The following PUM2 variants were observed in gnomAD, a reference collection of about 807,000 sequenced individuals.
PUM2 encodes the protein pumilio RNA binding family member 2.
PUM2 carries 57 observed loss-of-function variants against 124.5 expected under a neutral mutation model. The observed-to-expected ratio is 0.46, with a 90% CI of 0.37 to 0.57. PUM2 has a LOEUF of 0.57. Among genes scored for constraint, PUM2 ranks in the 20% least tolerant of loss-of-function variants. The probability of loss-of-function intolerance (pLI) is 0.00; values close to 1 mark genes in which losing one functional copy is unlikely to be tolerated. For synonymous variants in PUM2, 460 were observed against 446.1 expected (o/e 1.03, Z -0.39); for missense variants, 1,065 against 1,290.6 (o/e 0.83, Z 2.68).
At chr2:20,312,476 A>G in intron 3 of PUM2, 53 bp from the exon 4 acceptor site, 3 of 1,464,280 alleles carry the variant, frequency 2.0e-6, no homozygotes, top group Non-Finnish European at 1.9e-6. Context: ...GTTAAACAAA[A>G]TGTAGTTAAA....
intron 13 of PUM2, among the ~76,000 whole-genome samples, chr2:20,269,170 G>A (rs1292609228): frequency 1.3e-5 from 2 of 151,850 alleles, no homozygotes; most frequent in Non-Finnish European, 1.5e-5. Flanking sequence ...GCTACATGAG[G>A]TATAAACTGA....
intron 15 of PUM2, among the ~76,000 whole-genome samples, chr2:20,258,849 A>G (rs1196925436): frequency 6.6e-6 from 1 of 151,068 alleles, no homozygotes; most frequent in African/African-American, 2.4e-5. Context: ...TTGTATTTTT[A>G]GTAGAGACGG....
Position 20,346,198 on chromosome 2 carries a change from T to A in PUM2, c.-19+4399A>T, listed in dbSNP as rs529714132. ...TATCCTCTCAACTTCAAAACATAAT[T>A]CTGTTCATGTTGAATTGGTTTTAAA... On this transcript the variant is annotated intron_variant, in intron 1 of 20. Transcript: ENST00000361078. Among the ~76,000 whole-genome samples the A allele has an allele frequency of 2.0e-5, 3 of 152,270 alleles. 1 individual carries two copies. Among genetic ancestry groups the A allele is most frequent in the South Asian group, 4.1e-4 (2 of 4,828 alleles).
chr2:20,340,499 C>A (rs1371070172), intron 1 of PUM2, among the ~76,000 whole-genome samples: 1 of 152,202 alleles, frequency 6.6e-6, no homozygotes, highest in African/African-American at 2.4e-5. Context: ...GATGGGAGCA[C>A]CCCAATTTTG....
At chr2:20,334,748 A>T (rs1369962781) in intron 1 of PUM2, among the ~76,000 whole-genome samples, 1 of 152,202 alleles carries the variant, frequency 6.6e-6, no homozygotes, top group African/African-American at 2.4e-5. Context: ...ATTTACCAAC[A>T]CAAAATGACT....
chr2:20,314,792 TAAGC>T (rs1240021679), intron 3 of PUM2, among the ~76,000 whole-genome samples: 3 of 152,202 alleles, frequency 2.0e-5, no homozygotes, highest in African/African-American at 7.2e-5. Context: ...TCTTGTATGC[TAAGC>T]AATGAGCTAT....
intron 13 of PUM2, among the ~76,000 whole-genome samples, chr2:20,267,915 A>G (rs1476850525): frequency 3.3e-5 from 5 of 152,242 alleles, no homozygotes; most frequent in Non-Finnish European, 4.4e-5. Flanking sequence ...CCAGTAGTTT[A>G]GCCTTATGTA....
intron 10 of PUM2, 38 bp from the exon 11 acceptor site, chr2:20,283,524 T>C: frequency 2.6e-6 from 4 of 1,558,868 alleles, no homozygotes; most frequent in Non-Finnish European, 3.5e-6. Flanking sequence ...AAGCACTTAT[T>C]ACAAAAACAT....
chr2:20,262,197 G>A (rs1666462905), intron 14 of PUM2, among the ~76,000 whole-genome samples: 1 of 152,162 alleles, frequency 6.6e-6, no homozygotes, highest in Non-Finnish European at 1.5e-5. Context: ...AAGTCTAGAG[G>A]AGTGTACAGT....
chr2:20,346,620 A>C (rs945791010), intron 1 of PUM2, among the ~76,000 whole-genome samples: 1 of 152,234 alleles, frequency 6.6e-6, no homozygotes, highest in Admixed American at 6.5e-5. Context: ...CTCTTGTCAT[A>C]AGATGGCTAC....
intron 3 of PUM2, among the ~76,000 whole-genome samples, 168 bp downstream of exon 3, chr2:20,318,369 A>G (rs1271144991): frequency 2.0e-5 from 3 of 152,242 alleles, no homozygotes; most frequent in African/African-American, 7.2e-5. Flanking sequence ...TGGGAGGCCA[A>G]GGCAGGAGGA....
At chr2:20,312,542 T>C in intron 3 of PUM2, 119 bp from the exon 4 acceptor site, 2 of 894,588 alleles carry the variant, frequency 2.2e-6, no homozygotes, top group South Asian at 1.7e-5. Flanking sequence ...ATGTTATTAC[T>C]ATAATCTTTA....
At chr2:20,312,042 GAT>G (rs1679724554) in intron 4 of PUM2, among the ~76,000 whole-genome samples, 192 bp downstream of exon 4, 11 of 152,126 alleles carry the variant, frequency 7.2e-5, no homozygotes, top group Admixed American at 7.2e-4. Context: ...ACATGGTTCA[GAT>G]TATACATATT....
intron 2 of PUM2, among the ~76,000 whole-genome samples, chr2:20,325,590 T>C (rs945341311): frequency 2.0e-5 from 3 of 151,308 alleles, no homozygotes. Flanking sequence ...ATAAAGGGAG[T>C]CTAAAATTAA....
At chr2:20,318,446 A>C in intron 3 of PUM2, 91 bp downstream of exon 3, 2 of 1,194,682 alleles carry the variant, frequency 1.7e-6, no homozygotes, top group South Asian at 1.4e-5. Flanking sequence ...AAATGCAAAA[A>C]TTTGGAGACT....
intron 9 of PUM2, 133 bp from the exon 10 acceptor site, chr2:20,290,923 T>C: frequency 1.4e-6 from 1 of 714,974 alleles, no homozygotes; most frequent in East Asian, 3.0e-5. Context: ...GAAATGTAGA[T>C]TTAGCATGAA....
intron 7 of PUM2, among the ~76,000 whole-genome samples, chr2:20,303,237 C>T (rs1333481947): frequency 2.1e-5 from 3 of 143,294 alleles, no homozygotes; most frequent in African/African-American, 5.1e-5. Flanking sequence ...TGCTTCTGCT[C>T]GGAAACAATA....
intron 1 of PUM2, among the ~76,000 whole-genome samples, chr2:20,347,930 T>C (rs1472451913): frequency 6.6e-6 from 1 of 152,180 alleles, no homozygotes; most frequent in African/African-American, 2.4e-5. Flanking sequence ...AGGAAGGGGC[T>C]CTGCCATATT....
rs930500376 is a variant in PUM2, at chr2:20,288,220, G to A, written c.1291+2432C>T. Among the ~76,000 whole-genome samples, 3 of 152,138 alleles carry A rather than the reference G, an allele frequency of 2.0e-5. No homozygotes were observed. The South Asian group carries it at 6.2e-4, about 31-fold the overall frequency. On this transcript the variant is annotated intron_variant, in intron 10 of 20. Transcript: ENST00000361078. Reference sequence around the variant, plus strand: ...AGCCAGACTGTCTTTTATATTTAAGGATATACATAGAGGAAGCAGAGACTG... The same window carrying A: ...AGCCAGACTGTCTTTTATATTTAAGAATATACATAGAGGAAGCAGAGACTG...
Sources: allele counts gnomAD v4.1 joint callset (sites outside exome capture counted in the v4.1 genomes callset), GRCh38; gene constraint gnomAD v4.1.1; transcripts MANE v1.5; gene names NCBI Gene and HGNC (gene_info 2026-07-23, HGNC 2026-07-21).